The following TTN variants were observed in gnomAD, a reference collection of about 807,000 sequenced individuals.
The protein encoded by TTN is titin.
A neutral mutation model predicts 3,223.0 loss-of-function variants in TTN; 1,525 were observed. That is an observed-to-expected ratio of 0.47 (90% CI 0.45 to 0.49). The LOEUF (loss-of-function observed/expected upper bound fraction) is 0.49. TTN is among the 20% of genes least tolerant of loss of function. The probability of loss-of-function intolerance (pLI) is 0.00; values close to 1 mark genes in which losing one functional copy is unlikely to be tolerated. For missense variants in TTN, 40,786 were observed against 43,424.0 expected (o/e 0.94, Z 5.40); for synonymous variants, 14,094 against 15,161.0 (o/e 0.93, Z 5.17).
Position 178,740,827 on chromosome 2 carries a change from CA to C in TTN, c.12405del (p.Asn4135LysfsTer33), listed in dbSNP as rs727503658. On this transcript the variant is annotated frameshift_variant, in exon 48 of 363. Coordinates refer to ENST00000589042, the MANE Select transcript of TTN (RefSeq NM_001267550.2). LOFTEE classifies it high-confidence loss of function. Reference protein sequence around the residue: ...PESTREFLCINGSIHFQPLKE... With the variant: ...PESTREFLCIXGSIHFQPLKE... ...TTGAGAGGCTGAAAGTGAATACTGC[CA>C]TTGATGCAAAGAAATTCCCTGGTGC... is the stretch of plus-strand genomic sequence containing the variant. 1 of 1,613,694 alleles carries C rather than the reference CA, an allele frequency of 6.2e-7. No individual in the cohort carries two copies. The highest frequency in any genetic ancestry group is 8.5e-7 in the Non-Finnish European group (1 of 1,179,758).
At position 178,560,264 on chromosome 2, in the gene TTN, T is replaced by C; in HGVS notation, c.85868A>G (p.Tyr28623Cys). 1 of 1,613,812 alleles carries C rather than the reference T, an allele frequency of 6.2e-7. No individual in the cohort carries two copies. The highest frequency in any genetic ancestry group is 1.1e-5 in the South Asian group (1 of 91,072). Residue 28623 changes from tyrosine (Y) to cysteine (C), a missense_variant, in exon 326 of 363, where the codon TAT becomes TGT. Coordinates refer to ENST00000589042, the MANE Select transcript of TTN (RefSeq NM_001267550.2). ...AGCAGCATTTTCTGCATAAACACGA[T>C]ATTCATATTCACATCCTTCCCGAAG... is the stretch of plus-strand genomic sequence containing the variant. ...TGLREGCEYE[Y>C]RVYAENAAGL...
chr2:178,667,633 T>C lies in TTN; in HGVS notation c.35629+5A>G. The C allele has an allele frequency of 6.3e-7, 1 of 1,595,112 alleles. No homozygotes were observed. Among genetic ancestry groups the C allele is most frequent in the Non-Finnish European group, 8.5e-7 (1 of 1,177,850 alleles). ...TCTTCAGAGTGGATCATTGGTGTTA[T>C]ATACCTTTTGCTAGTTTGGGTTTTG... On this transcript the variant is annotated splice_donor_5th_base_variant and intron_variant, in intron 160 of 362. Transcript: ENST00000589042.
In TTN at chr2:178,672,219, ACTT is replaced by A. The variant is rs1220021596; in HGVS notation, c.34976_34978del (p.Glu11659del). The A allele has an allele frequency of 6.4e-7, 1 of 1,565,914 alleles. No homozygotes were observed. Among genetic ancestry groups the A allele is most frequent in the East Asian group, 2.4e-5 (1 of 41,440 alleles). On this transcript the variant is annotated inframe_deletion, in exon 155 of 363. Coordinates refer to ENST00000589042, the MANE Select transcript of TTN (RefSeq NM_001267550.2). ...TAATTCTAGTCTTTCTTTTACTACT[ACTT>A]CTTGGCGGAAGGCAACTGATACTTT...
Position 178,738,127 on chromosome 2 carries a change from T to C in TTN, c.14326A>G (p.Asn4776Asp), listed in dbSNP as rs727505309. ...DCGEYTCKAS[N>D]EYGSVSCTAT... is the part of the protein sequence containing the mutation. ...GTACAGCTGACACTGCCATACTCAT[T>C]GGAAGCTTTGCATGTATACTCGCCG... The change falls in exon 49 of 363, where the codon AAT (asparagine) becomes GAT (aspartate). Residue 4776 changes from asparagine (N) to aspartate (D), a missense_variant. By Grantham distance (23) the Asn-to-Asp change is conservative. Transcript: ENST00000589042. 2 of 1,613,832 alleles carry C rather than the reference T, an allele frequency of 1.2e-6. No individual in the cohort carries two copies. Among genetic ancestry groups the C allele is most frequent in the South Asian group, 2.2e-5 (2 of 91,082 alleles).
Position 178,548,301 on chromosome 2 carries a change from C to T in TTN, c.93325G>A (p.Val31109Ile). 2 of 1,613,004 alleles carry T rather than the reference C, an allele frequency of 1.2e-6. No individual in the cohort carries two copies. Among genetic ancestry groups the T allele is most frequent in the Middle Eastern group, 1.7e-4 (1 of 6,058 alleles). The change falls in exon 339 of 363, where the codon GTA (valine) becomes ATA (isoleucine). Residue 31109 changes from valine (V) to isoleucine (I), a missense_variant. By Grantham distance (29) the Val-to-Ile change is conservative. Transcript: ENST00000589042. The surrounding 1 kb of genome is among the most constrained non-coding windows in gnomAD (Gnocchi z 4.3). ...GEPYEMPEPI[V>I]ATEQPAPPRR... ...GGTGGAGCAGGCTGTTCTGTGGCTACAATTGGTTCTGGCATTTCATAGGGC... is the reference window on the plus strand; with the variant it reads ...GGTGGAGCAGGCTGTTCTGTGGCTATAATTGGTTCTGGCATTTCATAGGGC...
At chr2:178,790,429 A>AT (rs576513483) in intron 11 of TTN, among the ~76,000 whole-genome samples, 36 of 152,310 alleles carry the variant, frequency 2.4e-4, no homozygotes, top group Admixed American at 1.2e-3. Flanking sequence ...ATAGCACATA[A>AT]TTTTTTGTAT....
chr2:178,670,239 G>C lies in TTN; in HGVS notation c.35365C>G (p.Pro11789Ala). 6.7e-7 allele frequency: 1 copy of C among 1,489,248 alleles called. No individual in the cohort carries two copies. The highest frequency in any genetic ancestry group is 8.9e-7 in the Non-Finnish European group (1 of 1,124,814). 92.3% of individuals were successfully genotyped at this position (1,489,248 alleles called of 1,614,324 possible). ...VEEKVRVPEE[P>A]RVPPTKAPEV... ...TTACCTTTAGTTGGTGGAACTCTGGGCTCTTCAGGAACACGTACTTTTTCT... is the reference window on the plus strand; with the variant it reads ...TTACCTTTAGTTGGTGGAACTCTGGCCTCTTCAGGAACACGTACTTTTTCT... Residue 11789 changes from proline to alanine, a missense_variant, in exon 157 of 363, where the codon CCC (proline) becomes GCC (alanine). Transcript: ENST00000589042.
Position 178,543,282 on chromosome 2 carries a change from C to T in TTN, c.96691G>A (p.Gly32231Ser). The T allele has an allele frequency of 1.2e-6, 2 of 1,613,820 alleles. No individual in the cohort carries two copies. The highest frequency in any genetic ancestry group is 8.5e-7 in the Non-Finnish European group (1 of 1,179,786). ...LAWEKPLYDG[G>S]SRLTGYVLEA... is the part of the protein sequence containing the mutation. ...AGAACATATCCAGTGAGTCGGCTAC[C>T]ACCATCGTAGAGTGGTTTTTCCCAG... Residue 32231 changes from glycine (G) to serine (S), a missense_variant, in exon 347 of 363, where the codon GGT becomes AGT. Coordinates refer to ENST00000589042, the MANE Select transcript of TTN (RefSeq NM_001267550.2).
chr2:178,701,050 T>C, intron 111 of TTN, 70 bp downstream of exon 111: 2 of 1,484,174 alleles, frequency 1.3e-6, no homozygotes, highest in South Asian at 2.4e-5. Flanking sequence ...ATGCGTTGTA[T>C]TAAGCAACAT....
At position 178,560,336 on chromosome 2, in the gene TTN, C is replaced by G. The variant is rs558543425; in HGVS notation, c.85796G>C (p.Arg28599Pro). ...RREKNSLRWV[R>P]VNKKPVYDLR... ...ATCATAAACTGGTTTTTTGTTTACA[C>G]GCACCCATCTTAGGCTATTTTTCTC... Residue 28599 changes from arginine to proline, a missense_variant, in exon 326 of 363, where the codon CGT becomes CCT. By Grantham distance (103) the Arg-to-Pro change is moderately radical (BLOSUM62 -2). Coordinates refer to ENST00000589042, the MANE Select transcript of TTN (RefSeq NM_001267550.2). 1.9e-6 allele frequency: 3 copies of G among 1,613,726 alleles called. No individual in the cohort carries two copies. Among genetic ancestry groups the G allele is most frequent in the African/African-American group, 1.3e-5 (1 of 75,022 alleles).
At chr2:178,617,738 G>T (rs2154208965) in intron 253 of TTN, 41 bp downstream of exon 253, 1 of 1,600,282 alleles carries the variant, frequency 6.2e-7, no homozygotes, top group South Asian at 1.1e-5. Flanking sequence ...CTAATATCTG[G>T]ATTTCATGCA....
At chr2:178,697,310 A>C in intron 112 of TTN, 142 bp from the exon 113 acceptor site, 3 of 638,482 alleles carry the variant, frequency 4.7e-6, no homozygotes, top group Non-Finnish European at 4.9e-6. Flanking sequence ...GAATCATAAT[A>C]ATGCTTCTAT....
At chr2:178,579,509 G>A in intron 319 of TTN, 52 bp downstream of exon 319, 1 of 1,599,154 alleles carries the variant, frequency 6.3e-7, no homozygotes, top group South Asian at 1.1e-5. Context: ...ACACAAGAGT[G>A]CACTTTCGAT....
chr2:178,644,368 G>A (rs2061606532), intron 218 of TTN, 180 bp downstream of exon 218: 1 of 490,020 alleles, frequency 2.0e-6, no homozygotes, highest in Non-Finnish European at 3.6e-6. Context: ...AAATGGATGG[G>A]AGACAAAGGA....
intron 120 of TTN, 147 bp from the exon 121 acceptor site, chr2:178,692,246 T>C: frequency 2.3e-6 from 2 of 867,046 alleles, no homozygotes; most frequent in Non-Finnish European, 3.6e-6. Context: ...AAATGAAAGC[T>C]AAATACCTCA....
At position 178,710,932 on chromosome 2, in the gene TTN, G is replaced by A. The variant is rs748478445; in HGVS notation, c.28175-10C>T. 65 of 1,604,998 alleles carry A rather than the reference G, an allele frequency of 4.0e-5. No individual in the cohort carries two copies. The highest frequency in any genetic ancestry group is 5.5e-5 in the Non-Finnish European group (64 of 1,174,128). ...GGTGGGTTCTTCCCCTCTAATAGTAGAGCAGAAAGACAAGGTTTCAGGCTC... is the reference window on the plus strand; with the variant it reads ...GGTGGGTTCTTCCCCTCTAATAGTAAAGCAGAAAGACAAGGTTTCAGGCTC... On this transcript the variant is annotated splice_polypyrimidine_tract_variant and intron_variant, in intron 97 of 362. Coordinates refer to ENST00000589042, the MANE Select transcript of TTN (RefSeq NM_001267550.2).
rs767442718 is a variant in TTN, at chr2:178,802,159, T to A, written c.274A>T (p.Thr92Ser). The change falls in exon 3 of 363, where the codon ACT becomes TCT. Residue 92 changes from threonine (T) to serine (S), a missense_variant. Physicochemically the swap from Thr to Ser is moderately conservative, Grantham distance 58. Coordinates refer to ENST00000589042, the MANE Select transcript of TTN (RefSeq NM_001267550.2). ...ATNGSGQATS[T>S]AELLVKAETA... ...CTACCTTTCACGAGAAGCTCAGCAG[T>A]ACTAGTCGCTTGTCCAGATCCATTG... is the stretch of plus-strand genomic sequence containing the variant. 1 of 1,614,092 alleles carries A rather than the reference T, an allele frequency of 6.2e-7. No homozygotes were observed. Among genetic ancestry groups the A allele is most frequent in the South Asian group, 1.1e-5 (1 of 91,074 alleles).
Position 178,714,527 on chromosome 2 carries a change from A to G in TTN, c.26247T>C (p.Val8749=), listed in dbSNP as rs765248456. ...TAGTCTGCAGCTGAACTTCTTTACC[A>G]ACGACAGTAGATATGTCACTGAGCT... ...VKKLSDISTV[V]GKEVQLQTTI... is the part of the protein sequence containing the mutation. The change falls in exon 91 of 363, where the codon GTT becomes GTC. Residue 8749 remains valine, a synonymous_variant. Coordinates refer to ENST00000589042, the MANE Select transcript of TTN (RefSeq NM_001267550.2). 18 of 1,613,016 alleles carry G rather than the reference A, an allele frequency of 1.1e-5. No homozygotes were observed. The highest frequency in any genetic ancestry group is 1.4e-5 in the Non-Finnish European group (17 of 1,179,524).
intron 43 of TTN, among the ~76,000 whole-genome samples, chr2:178,759,739 ATGGCACAAATAAT>A (rs1269071830): frequency 6.6e-6 from 1 of 152,238 alleles, no homozygotes; most frequent in Non-Finnish European, 1.5e-5. Flanking sequence ...CGCAGTATAT[ATGGCACAAATAAT>A]TGTAGAGAAA....
Sources: gnomAD v4.1 joint callset for allele counts (sites outside exome capture counted in the v4.1 genomes callset) on GRCh38, gnomAD v4.1.1 for gene constraint, Gnocchi (gnomAD v3.1) non-coding constraint, MANE v1.5 for transcripts, NCBI Gene and HGNC (gene_info 2026-07-23, HGNC 2026-07-21) for gene names.